LRRC63: variants seen among roughly 807,000 people sequenced by gnomAD.
LRRC63 encodes leucine-rich repeat-containing protein 63.
Under a neutral mutation model 49.5 loss-of-function variants are expected in LRRC63, and 40 were observed. The ratio of observed to expected loss-of-function variants is 0.81; its 90% CI spans 0.63 to 1.05. The LOEUF (loss-of-function observed/expected upper bound fraction) is 1.05, where lower values mean the gene tolerates loss of function less well. Among genes scored for constraint, LRRC63 ranks in the 50% least tolerant of loss-of-function variants. The pLI is 0.00. For synonymous variants in LRRC63, 191 were observed against 221.1 expected, an observed-to-expected ratio of 0.86 and a Z score of 1.21; for missense variants, 636 against 663.1, an observed-to-expected ratio of 0.96 and a Z score of 0.45.
chr13:46,258,664 T>C (rs988255674), intron 7 of LRRC63, among the ~76,000 whole-genome samples: 13 of 150,800 alleles, frequency 8.6e-5, no homozygotes, highest in South Asian at 2.1e-4. Flanking sequence ...AAAAATTAGC[T>C]GGGCATGGTG....
At chr13:46,260,868 T>C (rs1399047484) in intron 7 of LRRC63, among the ~76,000 whole-genome samples, 1 of 152,212 alleles carries the variant, frequency 6.6e-6, no homozygotes, top group Non-Finnish European at 1.5e-5. Flanking sequence ...TTATATGCCA[T>C]GTTAAGACAG....
chr13:46,227,928 G>T, exon 3 of LRRC63: 1 of 1,550,450 alleles, frequency 6.4e-7, no homozygotes, highest in Non-Finnish European at 8.7e-7. Context: ...CTCAGTTATC[G>T]CTCAAAAACT....
chr13:46,233,959 C>G (rs534213261), intron 4 of LRRC63, among the ~76,000 whole-genome samples: 30 of 152,272 alleles, frequency 2.0e-4, no homozygotes, highest in Non-Finnish European at 3.8e-4. Flanking sequence ...ATATGGTTTA[C>G]TTTGGGGAAG....
intron 2 of LRRC63, among the ~76,000 whole-genome samples, chr13:46,215,499 TA>T (rs2046225119): frequency 6.6e-6 from 1 of 152,230 alleles, no homozygotes; most frequent in Non-Finnish European, 1.5e-5. Flanking sequence ...AAGTTCCTTG[TA>T]AATTGTGGAT....
At chr13:46,255,165 A>C (rs1389854722) in intron 7 of LRRC63, among the ~76,000 whole-genome samples, 1 of 152,204 alleles carries the variant, frequency 6.6e-6, no homozygotes, top group Non-Finnish European at 1.5e-5. Context: ...AGTCAGATAC[A>C]GAAGGATAAA....
chr13:46,225,464 A>G (rs1303149145), intron 2 of LRRC63, among the ~76,000 whole-genome samples: 2 of 152,210 alleles, frequency 1.3e-5, no homozygotes, highest in Non-Finnish European at 1.5e-5. Context: ...GCCTGAGAAC[A>G]GAGACTCTTC....
chr13:46,240,731 A>G (rs190817487), intron 5 of LRRC63, among the ~76,000 whole-genome samples: 35 of 152,308 alleles, frequency 2.3e-4, no homozygotes, highest in Admixed American at 9.2e-4. Context: ...TCCCATTCAC[A>G]ATTGCCACAT....
chr13:46,217,298 G>A (rs758915325), intron 2 of LRRC63, among the ~76,000 whole-genome samples: 8 of 152,148 alleles, frequency 5.3e-5, no homozygotes, highest in Non-Finnish European at 1.0e-4. Flanking sequence ...CTTGTTATTG[G>A]TCTGTTCAGG....
rs118156525 is a variant in LRRC63, at chr13:46,232,669, G to A, written c.833-1523G>A. Among the ~76,000 whole-genome samples, 607 of 152,034 alleles carry A rather than the reference G, an allele frequency of 4.0e-3. 19 individuals are homozygous for A. In the East Asian group the frequency reaches 0.091, roughly 23 times the overall value. ...AGATAGAGAGAGAAAGAGAGAGGGC[G>A]TATTATCCAGACTTCTTAAAATAGT... On this transcript the variant is annotated intron_variant, in intron 4 of 9. Transcript: ENST00000595396.
chr13:46,258,645 T>TA (rs1320225558), intron 7 of LRRC63, among the ~76,000 whole-genome samples: 3 of 149,600 alleles, frequency 2.0e-5, no homozygotes, highest in Admixed American at 1.3e-4. Context: ...CCATCTCTAC[T>TA]AAAAATACAA....
At chr13:46,253,361 C>G (rs181497414) in intron 7 of LRRC63, among the ~76,000 whole-genome samples, 25 of 152,046 alleles carry the variant, frequency 1.6e-4, no homozygotes, top group African/African-American at 5.5e-4. Flanking sequence ...GGGGCATGAT[C>G]TTTTCCCTTA....
At chr13:46,272,937 G>C (rs1248915377) in intron 9 of LRRC63, among the ~76,000 whole-genome samples, 1 of 152,166 alleles carries the variant, frequency 6.6e-6, no homozygotes, top group Non-Finnish European at 1.5e-5. Context: ...GACAACCCAA[G>C]GGAAGAGCTT....
intron 2 of LRRC63, among the ~76,000 whole-genome samples, chr13:46,221,041 C>G (rs2046394038): frequency 6.6e-6 from 1 of 152,106 alleles, no homozygotes; most frequent in African/African-American, 2.4e-5. Context: ...AACTGTTTAC[C>G]TGCCTAGTTT....
chr13:46,268,894 AT>A, intron 9 of LRRC63, among the ~76,000 whole-genome samples: 1 of 152,154 alleles, frequency 6.6e-6, no homozygotes, highest in African/African-American at 2.4e-5. Context: ...ACAGTTAGAA[AT>A]ATAATTTTTA....
At chr13:46,225,798 C>A (rs2046556691) in intron 2 of LRRC63, among the ~76,000 whole-genome samples, 1 of 152,106 alleles carries the variant, frequency 6.6e-6, no homozygotes, top group African/African-American at 2.4e-5. Flanking sequence ...TTAGCTCTAT[C>A]TCATTTTCAG....
intron 7 of LRRC63, among the ~76,000 whole-genome samples, chr13:46,251,284 ACATT>A (rs556928812): frequency 1.3e-5 from 2 of 152,002 alleles, no homozygotes; most frequent in Admixed American, 6.6e-5. Context: ...ACATTCATAA[ACATT>A]CAGTTATTTA....
At chr13:46,273,043 T>G (rs1215608068) in intron 9 of LRRC63, among the ~76,000 whole-genome samples, 2 of 152,134 alleles carry the variant, frequency 1.3e-5, no homozygotes, top group African/African-American at 4.8e-5. Flanking sequence ...GTTTGGAAAT[T>G]TTACAAGGAC....
At chr13:46,245,122 G>A (rs761971543) in intron 5 of LRRC63, among the ~76,000 whole-genome samples, 35 of 152,170 alleles carry the variant, frequency 2.3e-4, no homozygotes, top group Non-Finnish European at 4.1e-4. Flanking sequence ...GTTTGAAAAT[G>A]TTTAAAGGGT....
At chr13:46,247,115 G>T (rs751614687) in intron 6 of LRRC63, among the ~76,000 whole-genome samples, 5 of 152,054 alleles carry the variant, frequency 3.3e-5, no homozygotes, top group Non-Finnish European at 7.4e-5. Context: ...GACAAATTAC[G>T]TTTTTCGTGT....
Sources: gnomAD v4.1 joint callset for allele counts (sites outside exome capture counted in the v4.1 genomes callset) on GRCh38, gnomAD v4.1.1 for gene constraint, MANE v1.5 for transcripts, NCBI Gene and HGNC (gene_info 2026-07-23, HGNC 2026-07-21) for gene names.